Variants in CEMIP2 observed in about 807,000 individuals in gnomAD.
CEMIP2 encodes cell migration inducing hyaluronidase 2.
CEMIP2 carries 79 observed loss-of-function variants against 146.9 expected under a neutral mutation model. The ratio of observed to expected loss-of-function variants is 0.54; its 90% CI spans 0.45 to 0.65. The LOEUF is 0.65. Among genes scored for constraint, CEMIP2 ranks in the 30% least tolerant of loss-of-function variants. The probability of loss-of-function intolerance (pLI) is 0.00; values close to 1 mark genes in which losing one functional copy is unlikely to be tolerated. For synonymous variants in CEMIP2, 601 were observed against 606.3 expected, an observed-to-expected ratio of 0.99 and a Z score of 0.13; for missense variants, 1,596 against 1,696.2, an observed-to-expected ratio of 0.94 and a Z score of 1.04.
intron 17 of CEMIP2, among the ~76,000 whole-genome samples, chr9:71,708,576 C>G (rs1183508935): frequency 6.6e-6 from 1 of 152,192 alleles, no homozygotes; most frequent in Admixed American, 6.5e-5. Flanking sequence ...CAGTCTAGCT[C>G]TAGAATCTGT....
Position 71,702,804 on chromosome 9 carries a change from G to A in CEMIP2, c.3194+1791C>T, listed in dbSNP as rs142254915. ...GTATGACTGAATTTCATGCCCATGT[G>A]GATTTTTGAAACTTCTAGGCTCAGC... On this transcript the variant is annotated intron_variant, in intron 18 of 23. Coordinates refer to ENST00000377044, the MANE Select transcript of CEMIP2 (RefSeq NM_013390.3). Among the ~76,000 whole-genome samples, 52 of 152,070 alleles carry A rather than the reference G, an allele frequency of 3.4e-4. No individual in the cohort carries two copies. In the Middle Eastern group the frequency reaches 0.02, roughly 60 times the overall value.
At chr9:71,723,957 A>G (rs1206474997) in intron 11 of CEMIP2, among the ~76,000 whole-genome samples, 1 of 152,224 alleles carries the variant, frequency 6.6e-6, no homozygotes, top group Non-Finnish European at 1.5e-5. Flanking sequence ...CATGTCAATT[A>G]AATTTAATAT....
At chr9:71,725,545 A>G (rs1031662310) in intron 11 of CEMIP2, 36 bp downstream of exon 11, 1 of 1,605,800 alleles carries the variant, frequency 6.2e-7, no homozygotes, top group African/African-American at 1.3e-5. Flanking sequence ...TACACTGTCT[A>G]GCATATGTAC....
intron 11 of CEMIP2, among the ~76,000 whole-genome samples, chr9:71,724,125 T>C (rs1204273589): frequency 6.6e-6 from 1 of 152,008 alleles, no homozygotes; most frequent in Non-Finnish European, 1.5e-5. Context: ...TGAAACCCTG[T>C]CTCTACTAAA....
In CEMIP2 at chr9:71,698,120, G is replaced by A. The variant is rs575024108; in HGVS notation, c.3462C>T (p.Ile1154=). 4.9e-5 allele frequency: 79 copies of A among 1,614,124 alleles called. 2 individuals carry two copies. In the South Asian group the frequency reaches 8.5e-4, roughly 17 times the overall value. ...CSSQGCERVK[I]QAATDSKDIS... Reference sequence around the variant, plus strand: ...TGTCCTTTGAGTCTGTGGCTGCTTGGATCTTGACTCTTTCACATCCCTGAG... The same window carrying A: ...TGTCCTTTGAGTCTGTGGCTGCTTGAATCTTGACTCTTTCACATCCCTGAG... The change falls in exon 20 of 24, where the codon ATC becomes ATT. Residue 1154 remains isoleucine (I), a synonymous_variant. Transcript: ENST00000377044.
Position 71,694,090 on chromosome 9 carries a change from GTTGT to G in CEMIP2, c.3696+415_3696+418del, listed in dbSNP as rs1354021889. ...CCAGAACTGTGAGAAATAAATTTCT[GTTGT>G]TTATTTTTATTTATTTATTTATTTA... On this transcript the variant is annotated intron_variant, in intron 21 of 23. Transcript: ENST00000377044. 3.4e-5 allele frequency among the ~76,000 whole-genome samples: 5 copies of G among 146,810 alleles called. No individual in the cohort carries two copies. In the Admixed American group the frequency reaches 3.5e-4, roughly 10 times the overall value.
chr9:71,714,949 G>A lies in CEMIP2; in HGVS notation c.2576C>T (p.Thr859Ile). The A allele has an allele frequency of 1.2e-6, 2 of 1,613,562 alleles. No homozygotes were observed. Among genetic ancestry groups the A allele is most frequent in the Admixed American group, 1.7e-5 (1 of 59,892 alleles). Residue 859 changes from threonine (T) to isoleucine (I), a missense_variant, in exon 15 of 24, where the codon ACA becomes ATA. Coordinates refer to ENST00000377044, the MANE Select transcript of CEMIP2 (RefSeq NM_013390.3). ...CAATGCTTACCTGTTCCTGGGTAAT[G>A]TTCGAGGCTTCTGGTCTATTCCTCC... The part of the protein sequence containing the change: ...GTGGIDQKPR[T>I]LPRNRTFPIR...
intron 2 of CEMIP2, among the ~76,000 whole-genome samples, chr9:71,749,716 A>G (rs900609911): frequency 6.6e-6 from 1 of 152,066 alleles, no homozygotes; most frequent in African/African-American, 2.4e-5. Flanking sequence ...AAAAAGAAAA[A>G]AAGAAAAAAA....
At chr9:71,712,964 T>G (rs1043166229) in intron 15 of CEMIP2, among the ~76,000 whole-genome samples, 2 of 152,234 alleles carry the variant, frequency 1.3e-5, no homozygotes, top group Non-Finnish European at 2.9e-5. Flanking sequence ...CTATAGCAAC[T>G]AATTATTCTA....
intron 1 of CEMIP2, among the ~76,000 whole-genome samples, chr9:71,762,214 A>T (rs988492735): frequency 1.3e-5 from 2 of 152,152 alleles, no homozygotes; most frequent in Non-Finnish European, 2.9e-5. Context: ...AGTTTCCTCT[A>T]TGTTCCTCAA....
upstream of CEMIP2, among the ~76,000 whole-genome samples, chr9:71,769,456 G>A (rs958427613): frequency 1.3e-5 from 2 of 152,240 alleles, no homozygotes; most frequent in African/African-American, 2.4e-5. Flanking sequence ...CTGGTCCCTT[G>A]GAGCAACCCC....
At chr9:71,713,214 G>C (rs1449847654) in intron 15 of CEMIP2, among the ~76,000 whole-genome samples, 2 of 152,100 alleles carry the variant, frequency 1.3e-5, no homozygotes, top group African/African-American at 2.4e-5. Context: ...GACTGAATCG[G>C]GGGCGGGTCT....
At chr9:71,744,872 T>C (rs1824029143) in intron 4 of CEMIP2, 146 bp downstream of exon 4, 1 of 837,822 alleles carries the variant, frequency 1.2e-6, no homozygotes, top group Non-Finnish European at 1.8e-6. Context: ...TCCAGCCCCA[T>C]GTCTCAAAGC....
intron 17 of CEMIP2, among the ~76,000 whole-genome samples, chr9:71,708,857 T>C (rs1822827521): frequency 6.6e-6 from 1 of 152,218 alleles, no homozygotes; most frequent in Non-Finnish European, 1.5e-5. Context: ...AGTCAGATTC[T>C]TTCATTAAGT....
At chr9:71,736,150 G>A (rs1431333216) in intron 5 of CEMIP2, among the ~76,000 whole-genome samples, 2 of 152,152 alleles carry the variant, frequency 1.3e-5, no homozygotes, top group Non-Finnish European at 2.9e-5. Context: ...GCCTTTGATG[G>A]TGATTTATTC....
At chr9:71,689,969 C>T (rs1822177293) in intron 22 of CEMIP2, 123 bp downstream of exon 22, 1 of 1,203,472 alleles carries the variant, frequency 8.3e-7, no homozygotes, top group East Asian at 2.4e-5. Context: ...GAGGAATGAA[C>T]ACCTTGCATA....
At chr9:71,711,029 T>G (rs1822891124) in intron 16 of CEMIP2, among the ~76,000 whole-genome samples, 1 of 152,172 alleles carries the variant, frequency 6.6e-6, no homozygotes, top group Non-Finnish European at 1.5e-5. Flanking sequence ...TGGCTGCCTG[T>G]GGGAACAGGC....
rs1434395402 is a variant in CEMIP2 at position 71,683,730 on chromosome 9, T to C, written c.*1467A>G. The C allele has an allele frequency of 6.6e-6, 1 of 152,552 alleles. No individual in the cohort carries two copies. Among genetic ancestry groups the C allele is most frequent in the Non-Finnish European group, 1.5e-5 (1 of 68,032 alleles). 9.4% of individuals were successfully genotyped at this position (152,552 alleles called of 1,614,324 possible). ...TTATCGGTAGCACTTTGAGGTAGCATATTTTGTAAAGTCACAGGGCTGCTC... is the reference window on the plus strand; with the variant it reads ...TTATCGGTAGCACTTTGAGGTAGCACATTTTGTAAAGTCACAGGGCTGCTC... On this transcript the variant is annotated 3_prime_UTR_variant, in exon 24 of 24. Coordinates refer to ENST00000377044, the MANE Select transcript of CEMIP2 (RefSeq NM_013390.3).
chr9:71,741,648 T>TC (rs1168615496), intron 4 of CEMIP2, among the ~76,000 whole-genome samples: 1 of 135,570 alleles, frequency 7.4e-6, no homozygotes, highest in African/African-American at 2.7e-5. Context: ...TTTTTTTTTT[T>TC]TTTTTTTGAG....
Sources: allele counts gnomAD v4.1 joint callset (sites outside exome capture counted in the v4.1 genomes callset), GRCh38; gene constraint gnomAD v4.1.1; transcripts MANE v1.5; gene names NCBI Gene and HGNC (gene_info 2026-07-23, HGNC 2026-07-21).